Variants in HS3ST5 observed in about 807,000 individuals in gnomAD.
HS3ST5 encodes heparan sulfate glucosamine 3-O-sulfotransferase 5.
Under a neutral mutation model 25.4 loss-of-function variants are expected in HS3ST5, and 10 were observed. That is an observed-to-expected ratio of 0.39 (90% confidence interval 0.24 to 0.67). HS3ST5 has a LOEUF of 0.67. Ranked by LOEUF, HS3ST5 falls within the 30% of genes least tolerant of loss-of-function variation. HS3ST5 has a pLI of 0.44. For synonymous variants in HS3ST5, 170 were observed against 162.4 expected (o/e 1.05, Z -0.36); for missense variants, 324 against 420.7 (o/e 0.77, Z 2.01).
At chr6:114,084,143 G>A (rs1309770366) in intron 3 of HS3ST5, 1 of 650,950 alleles carries the variant, frequency 1.5e-6, no homozygotes, top group Non-Finnish European at 2.7e-6. Flanking sequence ...TTGCCATGTT[G>A]CTTAAGAACA....
intron 3 of HS3ST5, among the ~76,000 whole-genome samples, chr6:114,155,333 G>C (rs1416292332): frequency 6.6e-6 from 1 of 151,968 alleles, no homozygotes; most frequent in Admixed American, 6.6e-5. Context: ...AGAAGAAAAA[G>C]AATAGAGAGT....
chr6:114,146,010 A>G (rs1248947381), intron 3 of HS3ST5, among the ~76,000 whole-genome samples: 1 of 152,222 alleles, frequency 6.6e-6, no homozygotes, highest in Non-Finnish European at 1.5e-5. Flanking sequence ...GAGACTGGCT[A>G]ACTAAATGGG....
At chr6:114,309,313 G>A (rs890901805) in intron 1 of HS3ST5, among the ~76,000 whole-genome samples, 1 of 152,080 alleles carries the variant, frequency 6.6e-6, no homozygotes, top group Non-Finnish European at 1.5e-5. Context: ...AGCAGTAATA[G>A]GTAAAAACCT....
chr6:114,215,062 T>A (rs1016383076), intron 2 of HS3ST5, among the ~76,000 whole-genome samples: 2 of 152,078 alleles, frequency 1.3e-5, no homozygotes, highest in African/African-American at 4.8e-5. Context: ...TCCCAGCAGT[T>A]TGGGAGGCCG....
chr6:114,296,957 G>A (rs1774850338), intron 1 of HS3ST5, among the ~76,000 whole-genome samples: 1 of 152,080 alleles, frequency 6.6e-6, no homozygotes, highest in Admixed American at 6.6e-5. Context: ...AAGTTGAAAG[G>A]GGGTCTTGCA....
At chr6:114,120,377 C>G (rs1414301240) in intron 3 of HS3ST5, among the ~76,000 whole-genome samples, 6 of 152,076 alleles carry the variant, frequency 3.9e-5, no homozygotes, top group African/African-American at 1.4e-4. Flanking sequence ...AGTAATTGTC[C>G]AAACTATGAC....
At chr6:114,330,420 T>C (rs570105106) in intron 1 of HS3ST5, among the ~76,000 whole-genome samples, 1 of 152,334 alleles carries the variant, frequency 6.6e-6, no homozygotes, top group South Asian at 2.1e-4. Flanking sequence ...GATTCTGAGC[T>C]ATTATCATGA....
intron 1 of HS3ST5, among the ~76,000 whole-genome samples, chr6:114,240,307 A>G (rs781012403): frequency 2.6e-5 from 4 of 152,116 alleles, no homozygotes; most frequent in Non-Finnish European, 4.4e-5. Context: ...TAAAGCACCA[A>G]TTCATAAAGC....
intron 1 of HS3ST5, among the ~76,000 whole-genome samples, chr6:114,317,796 G>A (rs549690672): frequency 1.6e-4 from 24 of 147,262 alleles, no homozygotes; most frequent in African/African-American, 4.7e-4. Flanking sequence ...GATGGGAGGC[G>A]GGGGGCGGGG....
intron 1 of HS3ST5, among the ~76,000 whole-genome samples, chr6:114,336,387 T>C (rs767002485): frequency 4.6e-5 from 7 of 152,302 alleles, no homozygotes; most frequent in Non-Finnish European, 7.4e-5. Flanking sequence ...GGTGAGCAGA[T>C]CACTTGAGGC....
chr6:114,321,131 C>G (rs1483207924), intron 1 of HS3ST5, among the ~76,000 whole-genome samples: 1 of 151,870 alleles, frequency 6.6e-6, no homozygotes, highest in Admixed American at 6.6e-5. Flanking sequence ...GGCAATTCAC[C>G]CAACTACTAT....
intron 3 of HS3ST5, among the ~76,000 whole-genome samples, chr6:114,096,584 A>G (rs527716461): frequency 1.3e-5 from 2 of 152,288 alleles, no homozygotes; most frequent in East Asian, 3.9e-4. Context: ...TTTTGATGCC[A>G]TAAACGTGCA....
At chr6:114,139,936 T>C (rs554205930) in intron 3 of HS3ST5, among the ~76,000 whole-genome samples, 1 of 152,370 alleles carries the variant, frequency 6.6e-6, no homozygotes, top group East Asian at 1.9e-4. Flanking sequence ...GTATCAGACA[T>C]GTAAACATTT....
At chr6:114,140,797 A>G (rs1777866540) in intron 3 of HS3ST5, among the ~76,000 whole-genome samples, 1 of 152,258 alleles carries the variant, frequency 6.6e-6, no homozygotes, top group Non-Finnish European at 1.5e-5. Flanking sequence ...AGTTGGAAGC[A>G]GTACAGGGCA....
intron 2 of HS3ST5, among the ~76,000 whole-genome samples, chr6:114,185,331 T>C (rs561444796): frequency 6.6e-6 from 1 of 152,080 alleles, no homozygotes; most frequent in South Asian, 2.1e-4. Flanking sequence ...TCATAAAAAT[T>C]CCCCCAGAGA....
chr6:114,100,909 G>T (rs1775697882), intron 3 of HS3ST5, among the ~76,000 whole-genome samples: 1 of 152,184 alleles, frequency 6.6e-6, no homozygotes, highest in Admixed American at 6.6e-5. Flanking sequence ...AAATTAAAGT[G>T]CTAGCTAAGA....
rs5879261 is a variant in HS3ST5 at position 114,342,260 on chromosome 6, TG to T, written c.-405del. On this transcript the variant is annotated 5_prime_UTR_variant, in exon 1 of 5. Transcript: ENST00000312719. The stretch of plus-strand genomic sequence containing the variant: ...GCGCGGGGGTCGGCGGCGGGTCGCG[TG>T]GGGGTCACCCGGCCGCTGCTGCGGT... 59,275 of 150,968 alleles carry T rather than the reference TG, an allele frequency of 0.39. 11,860 individuals carry two copies. The highest frequency in any genetic ancestry group is 0.48 in the African/African-American group (19,691 of 40,866). The allele number at this position is 150,968 out of a possible 1,614,324, so 9.4% of individuals were successfully genotyped here. A position where few individuals can be genotyped will look rare whatever the true frequency, so the allele number is the denominator to read the frequency against.
intron 3 of HS3ST5, among the ~76,000 whole-genome samples, chr6:114,137,034 CTAT>C (rs1777651437): frequency 6.6e-6 from 1 of 152,178 alleles, no homozygotes; most frequent in Non-Finnish European, 1.5e-5. Context: ...TGCTGAAGAA[CTAT>C]TGCCAATGTG....
intron 1 of HS3ST5, among the ~76,000 whole-genome samples, chr6:114,253,064 C>G (rs1241875835): frequency 6.6e-6 from 1 of 152,052 alleles, no homozygotes; most frequent in Non-Finnish European, 1.5e-5. Flanking sequence ...TAGTGTATGT[C>G]TGTAGTCCCA....
Sources: allele counts gnomAD v4.1 joint callset (sites outside exome capture counted in the v4.1 genomes callset), GRCh38; gene constraint gnomAD v4.1.1; transcripts MANE v1.5; gene names NCBI Gene and HGNC (gene_info 2026-07-23, HGNC 2026-07-21).